JAG1: variants seen among roughly 807,000 people sequenced by gnomAD.
JAG1 encodes the protein jagged canonical Notch ligand 1.
JAG1 carries 23 observed loss-of-function variants against 148.7 expected under a neutral mutation model. The ratio of observed to expected loss-of-function variants is 0.15; its 90% CI spans 0.11 to 0.22. The LOEUF (loss-of-function observed/expected upper bound fraction) is 0.22, where lower values mean the gene tolerates loss of function less well. Ranked by LOEUF, JAG1 falls within the 10% of genes least tolerant of loss-of-function variation. The pLI, the probability that JAG1 is intolerant of heterozygous loss-of-function variation, is 1.00. For missense variants in JAG1, 1,054 were observed against 1,611.2 expected (o/e 0.65, Z 5.92); for synonymous variants, 572 against 598.3 (o/e 0.96, Z 0.64).
intron 25 of JAG1, 105 bp downstream of exon 25, chr20:10,640,678 G>C: frequency 4.1e-6 from 5 of 1,225,128 alleles, no homozygotes; most frequent in Non-Finnish European, 6.0e-6. Context: ...GAGCTCCTGC[G>C]AGGGTAGGGC....
At chr20:10,643,951 G>A in intron 19 of JAG1, 88 bp from the exon 20 acceptor site, 1 of 981,346 alleles carries the variant, frequency 1.0e-6, no homozygotes, top group Non-Finnish European at 1.6e-6. Context: ...ACCAGTTACA[G>A]TCAGTGGCTC....
intron 2 of JAG1, among the ~76,000 whole-genome samples, chr20:10,667,130 G>A (rs553433907): frequency 1.3e-5 from 2 of 152,334 alleles, no homozygotes; most frequent in African/African-American, 2.4e-5. Flanking sequence ...CCTGAGAAGC[G>A]GCTGCCTCCC....
intron 2 of JAG1, among the ~76,000 whole-genome samples, chr20:10,670,973 G>A (rs1411280221): frequency 3.3e-5 from 5 of 152,248 alleles, no homozygotes. Context: ...CAGCGAGGGA[G>A]CAAGCCTCCT....
intron 21 of JAG1, 34 bp from the exon 22 acceptor site, chr20:10,641,926 T>C: frequency 7.2e-7 from 1 of 1,391,288 alleles, no homozygotes; most frequent in Non-Finnish European, 1.0e-6. Flanking sequence ...AGTTTATTTT[T>C]CTGTGAACCG....
intron 20 of JAG1, 128 bp from the exon 21 acceptor site, chr20:10,642,729 A>G: frequency 2.8e-6 from 2 of 712,872 alleles, no homozygotes; most frequent in South Asian, 1.5e-5. Context: ...TCAGGTAAGC[A>G]GCATCCAAAA....
In JAG1 at chr20:10,666,974, C is replaced by T. The variant is rs187484895; in HGVS notation, c.388-2960G>A. ...GCCAAGGTTGTGTTCTCTGCCCTGT[C>T]CCACTCCATGGCGGTTACCTTGGCA... On this transcript the variant is annotated intron_variant, in intron 2 of 25. Transcript: ENST00000254958. 7.9e-5 allele frequency among the ~76,000 whole-genome samples: 12 copies of T among 152,344 alleles called. No homozygotes were observed. The East Asian group carries it at 1.5e-3, about 20-fold the overall frequency.
At chr20:10,672,310 C>G (rs534220487) in intron 2 of JAG1, among the ~76,000 whole-genome samples, 2 of 152,192 alleles carry the variant, frequency 1.3e-5, no homozygotes, top group Non-Finnish European at 2.9e-5. Flanking sequence ...AGAACTGCGC[C>G]GAGTCGCCTT....
intron 9 of JAG1, among the ~76,000 whole-genome samples, chr20:10,650,009 C>T (rs901226719): frequency 1.3e-5 from 2 of 152,202 alleles, no homozygotes; most frequent in African/African-American, 2.4e-5. Flanking sequence ...GAACACTCCT[C>T]GGACAGACGA....
intron 8 of JAG1, chr20:10,650,600 G>T: frequency 1.9e-6 from 1 of 522,732 alleles, no homozygotes; most frequent in African/African-American, 1.9e-5. Context: ...GAGAAAGACA[G>T]CTGGATACTG....
At chr20:10,656,621 A>C (rs546395089) in intron 4 of JAG1, among the ~76,000 whole-genome samples, 163 bp from the exon 5 acceptor site, 1 of 152,354 alleles carries the variant, frequency 6.6e-6, no homozygotes, top group Non-Finnish European at 1.5e-5. Flanking sequence ...CCCAAATAAC[A>C]AAACCAGCTT....
At chr20:10,656,200 C>T (rs538437293) in intron 5 of JAG1, among the ~76,000 whole-genome samples, 198 bp downstream of exon 5, 2 of 152,260 alleles carry the variant, frequency 1.3e-5, no homozygotes, top group African/African-American at 4.8e-5. Flanking sequence ...TCTTTTTATT[C>T]CAAGAGAGAA....
intron 2 of JAG1, among the ~76,000 whole-genome samples, chr20:10,670,692 ACT>A (rs2067489101): frequency 6.6e-6 from 1 of 152,098 alleles, no homozygotes; most frequent in Non-Finnish European, 1.5e-5. Flanking sequence ...CAGGGTGGAG[ACT>A]TGTTTATGAG....
chr20:10,658,636 C>A lies in JAG1; in HGVS notation c.526G>T (p.Val176Phe). The change falls in exon 4 of 26, where the codon GTT becomes TTT. Residue 176 changes from valine (V) to phenylalanine (F), a missense_variant. By Grantham distance (50) the Val-to-Phe change is conservative (BLOSUM62 -1). This residue lies in a region of JAG1 where 104 missense variants were observed against 235.2 expected (regional missense o/e 0.44). Coordinates refer to ENST00000254958, the MANE Select transcript of JAG1 (RefSeq NM_000214.3). ...CGGATCTGATACTCAAAGTGGGCAA[C>A]GCCCGTGTTCTGCTTCAGCGTCTGC... ...QWQTLKQNTG[V>F]AHFEYQIRVT... 6.2e-7 allele frequency: 1 copy of A among 1,614,234 alleles called. No homozygotes were observed.
In JAG1 at chr20:10,638,931, CA is replaced by C. The variant is rs1393875962; in HGVS notation, c.*566del. 1.9e-5 allele frequency: 3 copies of C among 155,168 alleles called. No individual in the cohort carries two copies. The highest frequency in any genetic ancestry group is 4.3e-5 in the Non-Finnish European group (3 of 69,552). The allele number at this position is 155,168 out of a possible 1,614,324, so 9.6% of individuals were successfully genotyped here. A position where few individuals can be genotyped will look rare whatever the true frequency, so the allele number is the denominator to read the frequency against. On this transcript the variant is annotated 3_prime_UTR_variant, in exon 26 of 26. Coordinates refer to ENST00000254958, the MANE Select transcript of JAG1 (RefSeq NM_000214.3). Reference sequence around the variant, plus strand: ...TAACTATACAAAGTTCTACTTTTGACATTTTTTTCTTTAAATTCTTCATTTT... The same window carrying C: ...TAACTATACAAAGTTCTACTTTTGACTTTTTTTCTTTAAATTCTTCATTTT...
At chr20:10,644,579 A>T in intron 18 of JAG1, 195 bp from the exon 19 acceptor site, 1 of 668,430 alleles carries the variant, frequency 1.5e-6, no homozygotes, top group Non-Finnish European at 2.7e-6. Context: ...TGTACACAGG[A>T]AGAGGCCCTG....
chr20:10,646,197 C>A, intron 14 of JAG1, 113 bp from the exon 15 acceptor site: 1 of 745,274 alleles, frequency 1.3e-6, no homozygotes. Flanking sequence ...GGCACCTCCA[C>A]CTGCTACCCT....
At position 10,651,222 on chromosome 20, in the gene JAG1, C is replaced by A. The variant is rs2067343862; in HGVS notation, c.1120+359G>T. On this transcript the variant is annotated intron_variant, in intron 8 of 25. Transcript: ENST00000254958. ...AGGTTCTTCTCTGGGGCCCCCTGGC[C>A]CTATGACAGAATCCAGTAGTAAGTG... 2.1e-5 allele frequency: 5 copies of A among 232,974 alleles called. 1 individual carries two copies. The highest frequency in any genetic ancestry group is 2.0e-4 in the Admixed American group (4 of 19,970). The allele number at this position is 232,974 out of a possible 1,614,324, so 14.4% of individuals were successfully genotyped here.
At chr20:10,641,390 T>C in intron 23 of JAG1, 70 bp downstream of exon 23, 1 of 1,524,428 alleles carries the variant, frequency 6.6e-7, no homozygotes, top group Non-Finnish European at 9.1e-7. Flanking sequence ...TCCTAGCTCA[T>C]GGCATTCCTC....
rs375199216 is a variant in JAG1 at position 10,658,610 on chromosome 20, G to A, written c.552C>T (p.Arg184=). Residue 184 remains arginine, a synonymous_variant, in exon 4 of 26, where the codon CGC becomes CGT. Coordinates refer to ENST00000254958, the MANE Select transcript of JAG1 (RefSeq NM_000214.3). ...CATAGTAGTAGTCATCACAGGTCAC[G>A]CGGATCTGATACTCAAAGTGGGCAA... ...TGVAHFEYQI[R]VTCDDYYYGF... is the part of the protein sequence containing the mutation. 17 of 1,614,096 alleles carry A rather than the reference G, an allele frequency of 1.1e-5. No individual in the cohort carries two copies. Among genetic ancestry groups the A allele is most frequent in the Non-Finnish European group, 1.4e-5 (16 of 1,180,048 alleles).
Sources: allele counts gnomAD v4.1 joint callset (sites outside exome capture counted in the v4.1 genomes callset), GRCh38; gene constraint gnomAD v4.1.1; regional missense constraint gnomAD v4.1.1; transcripts MANE v1.5; gene names NCBI Gene and HGNC (gene_info 2026-07-23, HGNC 2026-07-21).